IGFL2: variants seen among roughly 807,000 people sequenced by gnomAD.
The protein encoded by IGFL2 is insulin growth factor-like family member 2.
IGFL2 carries 7 observed loss-of-function variants against 13.9 expected under a neutral mutation model. The ratio of observed to expected loss-of-function variants is 0.51; its 90% CI spans 0.29 to 0.95. The LOEUF is 0.95. IGFL2 is among the 40% of genes least tolerant of loss of function. The pLI, the probability that IGFL2 is intolerant of heterozygous loss-of-function variation, is 0.08. For missense variants in IGFL2, 138 were observed against 147.8 expected, an observed-to-expected ratio of 0.93 and a Z score of 0.34; for synonymous variants, 55 against 55.8, an observed-to-expected ratio of 0.99 and a Z score of 0.07.
At chr19:46,099,716 C>T in the IGFL2 span, among the ~76,000 whole-genome samples, 4 of 151,846 alleles carry the variant, frequency 2.6e-5, no homozygotes, top group African/African-American at 7.3e-5. Context: ...TTAGTAGAAA[C>T]GGGGTTTCAC....
chr19:46,200,991 A>G, the IGFL2 span: 2 of 152,382 alleles, frequency 1.3e-5, no homozygotes, highest in East Asian at 3.9e-4. Flanking sequence ...AATAATATCT[A>G]TGACATACTC....
At chr19:46,104,811 G>A in the IGFL2 span, among the ~76,000 whole-genome samples, 1 of 152,250 alleles carries the variant, frequency 6.6e-6, no homozygotes, top group South Asian at 2.1e-4. Context: ...AGGCAGGCTA[G>A]TGGCTTGTAA....
the IGFL2 span, among the ~76,000 whole-genome samples, chr19:46,087,112 C>G: frequency 6.6e-6 from 1 of 152,190 alleles, no homozygotes; most frequent in South Asian, 2.1e-4. Context: ...TCCTCCAGGT[C>G]GCTTGATCAG....
chr19:46,159,112 C>T (rs979419930), intron 1 of IGFL2: 32 of 152,180 alleles, frequency 2.1e-4, no homozygotes, highest in African/African-American at 7.0e-4. Context: ...ATGAAAAAAT[C>T]GCAGCTGTCA....
chr19:46,191,915 T>C, the IGFL2 span, among the ~76,000 whole-genome samples: 1 of 152,248 alleles, frequency 6.6e-6, no homozygotes, highest in East Asian at 1.9e-4. Flanking sequence ...TTTGTAATCA[T>C]TGAATTTTTG....
chr19:46,165,210 CA>C (rs1222710749), downstream of IGFL2, among the ~76,000 whole-genome samples: 1 of 152,180 alleles, frequency 6.6e-6, no homozygotes, highest in African/African-American at 2.4e-5. Context: ...TTGACGTAGC[CA>C]GTTACTCCAA....
At chr19:46,109,555 A>G in the IGFL2 span, among the ~76,000 whole-genome samples, 1 of 152,036 alleles carries the variant, frequency 6.6e-6, no homozygotes, top group Non-Finnish European at 1.5e-5. Context: ...TGACCTCGTG[A>G]TCCACCCACC....
chr19:46,094,101 T>C, the IGFL2 span, among the ~76,000 whole-genome samples: 1 of 148,698 alleles, frequency 6.7e-6, no homozygotes, highest in African/African-American at 2.5e-5. Flanking sequence ...CTAAAATGTG[T>C]AAGGAAAGGC....
upstream of IGFL2, among the ~76,000 whole-genome samples, chr19:46,143,633 C>T (rs1045014253): frequency 2.0e-5 from 3 of 150,260 alleles, no homozygotes; most frequent in African/African-American, 7.3e-5. Flanking sequence ...TGTCAGCACC[C>T]CAATCCACAC....
the IGFL2 span, chr19:46,120,499 C>CA: frequency 1.6e-6 from 2 of 1,239,172 alleles, no homozygotes; most frequent in Non-Finnish European, 2.2e-6. Flanking sequence ...CAGAAGGACA[C>CA]AGTCACCATG....
chr19:46,081,986 A>C, the IGFL2 span, among the ~76,000 whole-genome samples: 1 of 152,244 alleles, frequency 6.6e-6, no homozygotes, highest in East Asian at 1.9e-4. Context: ...TTCAGTTAAC[A>C]CCATCATGGC....
At chr19:46,152,530 C>G (rs1973561017) in intron 1 of IGFL2, among the ~76,000 whole-genome samples, 1 of 152,148 alleles carries the variant, frequency 6.6e-6, no homozygotes, top group Middle Eastern at 3.2e-3. Flanking sequence ...GTGATCCTCC[C>G]CACTTGGTCT....
At chr19:46,114,777 G>A in the IGFL2 span, among the ~76,000 whole-genome samples, 1 of 152,202 alleles carries the variant, frequency 6.6e-6, no homozygotes, top group Non-Finnish European at 1.5e-5. Flanking sequence ...GGAACTGTGA[G>A]CCAATTAAAC....
the IGFL2 span, among the ~76,000 whole-genome samples, chr19:46,176,873 G>A: frequency 1.3e-5 from 2 of 152,218 alleles, no homozygotes; most frequent in East Asian, 3.9e-4. Context: ...GTTTATCACT[G>A]GGCTGCACCC....
At chr19:46,211,076 G>C in the IGFL2 span, among the ~76,000 whole-genome samples, 6 of 152,314 alleles carry the variant, frequency 3.9e-5, no homozygotes, top group South Asian at 2.1e-4. Flanking sequence ...TGGCTGAAAG[G>C]CTGTTCCAGA....
the IGFL2 span, among the ~76,000 whole-genome samples, chr19:46,200,484 C>CTTTTCTT: frequency 7.0e-6 from 1 of 143,798 alleles, no homozygotes; most frequent in Non-Finnish European, 1.5e-5. Flanking sequence ...CTTTTCTTTT[C>CTTTTCTT]TTTTCTTTTC....
At chr19:46,118,106 A>G in the IGFL2 span, among the ~76,000 whole-genome samples, 5,546 of 152,268 alleles carry the variant, frequency 0.036, 160 homozygotes, top group East Asian at 0.072. Flanking sequence ...ACAGGAGGCA[A>G]TTAAAACAAT....
chr19:46,177,459 G>A, the IGFL2 span, among the ~76,000 whole-genome samples: 2 of 151,822 alleles, frequency 1.3e-5, no homozygotes, highest in South Asian at 4.2e-4. Flanking sequence ...ATCAGGCAAT[G>A]TAATATATAT....
chr19:46,162,943 C>A (rs1377699493), downstream of IGFL2, among the ~76,000 whole-genome samples: 1 of 152,190 alleles, frequency 6.6e-6, no homozygotes, highest in Non-Finnish European at 1.5e-5. Flanking sequence ...TCTTTAACCA[C>A]AGTGTAGATT....
Sources: allele counts gnomAD v4.1 joint callset (sites outside exome capture counted in the v4.1 genomes callset), GRCh38; gene constraint gnomAD v4.1.1; transcripts MANE v1.5; gene names NCBI Gene and HGNC (gene_info 2026-07-23, HGNC 2026-07-21).